Variants in HUWE1 observed in about 807,000 individuals in gnomAD.
HUWE1 encodes E3 ubiquitin-protein ligase HUWE1.
In HUWE1, 18 loss-of-function variants were observed where a neutral mutation model predicts 299.4. The observed-to-expected ratio is 0.06, with a 90% CI of 0.04 to 0.09. The LOEUF is 0.09. Among genes scored for constraint, HUWE1 ranks in the 10% least tolerant of loss-of-function variants. The pLI, the probability that HUWE1 is intolerant of heterozygous loss-of-function variation, is 1.00. For missense variants in HUWE1, 1,832 were observed against 3,462.3 expected (o/e 0.53, Z 11.82); for synonymous variants, 1,317 against 1,286.1 (o/e 1.02, Z -0.51).
Position 53,535,451 on chromosome X carries a change from G to C in HUWE1, c.12582C>G (p.Ala4194=), listed in dbSNP as rs138323283. ...TATTCTCCTCTGTTACCAAGATGTT[G>C]GCCCCATTGGGTTTGAGGTCACGAA... ...CEVRDLKPNG[A]NILVTEENKK... The change falls in exon 81 of 84, where the codon GCC becomes GCG. Residue 4194 remains alanine, a synonymous_variant. Coordinates refer to ENST00000262854, the MANE Select transcript of HUWE1 (RefSeq NM_031407.7). 1.3e-4 allele frequency: 154 copies of C among 1,207,343 alleles called. 1 individual carries two copies. In the African/African-American group the frequency reaches 2.3e-3, roughly 18 times the overall value.
intron 68 of HUWE1, 22 bp downstream of exon 68, chrX:53,547,651 C>T (rs782246090): frequency 8.3e-7 from 1 of 1,209,024 alleles, no homozygotes; most frequent in South Asian, 1.8e-5. Context: ...CCCCACAGCT[C>T]CCAGTCTACA....
At chrX:53,554,438 T>C (rs1279870363) in intron 61 of HUWE1, among the ~76,000 whole-genome samples, 195 bp downstream of exon 61, 2 of 111,194 alleles carry the variant, frequency 1.8e-5, no homozygotes, top group African/African-American at 6.5e-5. Context: ...TCATCACCAA[T>C]ATCATTAGAC....
chrX:53,637,900 A>G (rs1172523033), intron 7 of HUWE1, among the ~76,000 whole-genome samples: 3 of 111,846 alleles, frequency 2.7e-5, no homozygotes, highest in Non-Finnish European at 5.6e-5. Context: ...AACAAAATCA[A>G]CATATTAAAT....
chrX:53,681,943 T>C (rs2070179907), intron 2 of HUWE1, among the ~76,000 whole-genome samples: 1 of 111,231 alleles, frequency 9.0e-6, no homozygotes, highest in Non-Finnish European at 1.9e-5. Flanking sequence ...TCCTAGACCA[T>C]TAGAAGGAAA....
At chrX:53,578,295 C>T (rs2063300333) in intron 43 of HUWE1, among the ~76,000 whole-genome samples, 1 of 109,155 alleles carries the variant, frequency 9.2e-6, no homozygotes, top group African/African-American at 3.3e-5. Flanking sequence ...CCGGCAGCCA[C>T]CCCGTCTGGG....
At chrX:53,674,559 G>A (rs955828182) in intron 3 of HUWE1, among the ~76,000 whole-genome samples, 1 of 112,178 alleles carries the variant, frequency 8.9e-6, no homozygotes, top group African/African-American at 3.2e-5. Flanking sequence ...TTCATTTGGG[G>A]TACGTTTAAC....
intron 3 of HUWE1, among the ~76,000 whole-genome samples, chrX:53,657,749 T>C (rs996876082): frequency 9.9e-5 from 11 of 110,625 alleles, no homozygotes; most frequent in African/African-American, 2.6e-4. Context: ...ATAAGGTTAA[T>C]ATACAAAAGT....
chrX:53,671,726 G>A (rs995271137), intron 3 of HUWE1, among the ~76,000 whole-genome samples: 15 of 105,547 alleles, frequency 1.4e-4, no homozygotes, highest in Middle Eastern at 9.8e-3. Flanking sequence ...CCCGGGGGGC[G>A]GAGCCTGCAG....
At chrX:53,540,734 C>T (rs1208526318) in intron 74 of HUWE1, among the ~76,000 whole-genome samples, 1 of 111,843 alleles carries the variant, frequency 8.9e-6, no homozygotes, top group Non-Finnish European at 1.9e-5. Flanking sequence ...CTGATACTCA[C>T]TGGGGGCTTA....
At position 53,546,529 on chromosome X, in the gene HUWE1, G is replaced by T. The variant is rs782349344; in HGVS notation, c.10822C>A (p.Leu3608Ile). 1.7e-6 allele frequency: 2 copies of T among 1,207,279 alleles called. No individual in the cohort carries two copies. The highest frequency in any genetic ancestry group is 2.2e-6 in the Non-Finnish European group (2 of 893,275). Residue 3608 changes from leucine to isoleucine, a missense_variant, in exon 70 of 84, where the codon CTC becomes ATC. Coordinates refer to ENST00000262854, the MANE Select transcript of HUWE1 (RefSeq NM_031407.7). ...LEDAANVLLQ[L>I]SRGDSGTRDT... ...CGGGTCCCAGAGTCCCCCCGGGAGAGCTGCAGTAGTACGTTGGCTGCATCC... is the reference window on the plus strand; with the variant it reads ...CGGGTCCCAGAGTCCCCCCGGGAGATCTGCAGTAGTACGTTGGCTGCATCC...
intron 32 of HUWE1, 107 bp downstream of exon 32, chrX:53,593,257 T>G: frequency 5.1e-6 from 3 of 590,286 alleles, no homozygotes; most frequent in Non-Finnish European, 8.7e-6. Context: ...GGGAGTTGGA[T>G]CCAGTGGTTC....
In HUWE1 at chrX:53,546,581, G is replaced by T. The variant is rs781819846; in HGVS notation, c.10770C>A (p.Ser3590=). 5 of 1,209,696 alleles carry T rather than the reference G, an allele frequency of 4.1e-6. No individual in the cohort carries two copies. In the Admixed American group the frequency reaches 8.7e-5, roughly 21 times the overall value. Residue 3590 remains serine (S), a synonymous_variant, in exon 70 of 84, where the codon TCC becomes TCA. Transcript: ENST00000262854. ...CTAAGCCTTCCTCAGAACAAGAGTG[G>T]GATGTCAACACCTGAGAAAAAGAAG... ...QLQLSVEVLT[S]HSCSEEGLED...
Position 53,549,215 on chromosome X carries a change from C to A in HUWE1, c.9779G>T (p.Gly3260Val), listed in dbSNP as rs374079237. 1 of 1,210,500 alleles carries A rather than the reference C, an allele frequency of 8.3e-7. No individual in the cohort carries two copies. Among genetic ancestry groups the A allele is most frequent in the Admixed American group, 2.2e-5 (1 of 45,840 alleles). ...GGGACGGTTCTCATGGCTACTTGAC[C>A]CACAGCTCTTGCTCGACTTTTTGCC... ...EKGKKSSKSCGSSSHENRPLD... is the reference protein window; with the variant it reads ...EKGKKSSKSCVSSSHENRPLD... The change falls in exon 67 of 84, where the codon GGG becomes GTG. Residue 3260 changes from glycine to valine, a missense_variant. Gly to Val is a moderately radical substitution (Grantham distance 109). This residue lies in a region of HUWE1 where 80 missense variants were observed against 142.1 expected (regional missense o/e 0.56). Transcript: ENST00000262854.
intron 66 of HUWE1, 121 bp from the exon 67 acceptor site, chrX:53,549,626 CCAGTCCAAG>C (rs2061681675): frequency 1.7e-6 from 1 of 584,236 alleles, no homozygotes; most frequent in Non-Finnish European, 2.8e-6. Flanking sequence ...AGGTGGGTGT[CCAGTCCAAG>C]GGCTCTTCAT....
Position 53,566,129 on chromosome X carries a change from G to GTATATATA in HUWE1, c.6708-891_6708-890insTATATATA, listed in dbSNP as rs1212406219. On this transcript the variant is annotated intron_variant, in intron 49 of 83. Coordinates refer to ENST00000262854, the MANE Select transcript of HUWE1 (RefSeq NM_031407.7). ...TATGTATGTATGTATGTGTGTGTGTGTGTGTATATATATATATATATATAT... is the reference window on the plus strand; with the variant it reads ...TATGTATGTATGTATGTGTGTGTGTGTATATATATGTGTATATATATATATATATATAT... Among the ~76,000 whole-genome samples the GTATATATA allele has an allele frequency of 1.3e-4, 5 of 38,699 alleles. No homozygotes were observed. The Admixed American group carries it at 1.5e-3, about 12-fold the overall frequency. The allele number at this position is 38,699 out of a possible 115,157, so 33.6% of individuals were successfully genotyped here.
intron 25 of HUWE1, among the ~76,000 whole-genome samples, chrX:53,605,398 AATCT>A (rs1332700703): frequency 2.7e-5 from 3 of 112,208 alleles, no homozygotes; most frequent in Non-Finnish European, 5.6e-5. Flanking sequence ...GCTTTAAATA[AATCT>A]ATCTATCCTT....
chrX:53,570,176 A>G (rs1238884087), intron 47 of HUWE1, among the ~76,000 whole-genome samples: 3 of 111,060 alleles, frequency 2.7e-5, no homozygotes, highest in African/African-American at 1.0e-4. Flanking sequence ...TACAGTGGCT[A>G]TTCACAGGCA....
intron 7 of HUWE1, among the ~76,000 whole-genome samples, chrX:53,643,988 G>A (rs993331060): frequency 3.6e-5 from 4 of 109,636 alleles, no homozygotes; most frequent in Non-Finnish European, 7.6e-5. Context: ...CACACCTGGC[G>A]GATTTTTGTA....
At chrX:53,575,249 T>C (rs782064892) in intron 45 of HUWE1, 28 bp from the exon 46 acceptor site, 41 of 1,129,760 alleles carry the variant, frequency 3.6e-5, no homozygotes, top group Non-Finnish European at 2.4e-6. Flanking sequence ...TCCTGAGCTA[T>C]TATGAATTTC....
Sources: gnomAD v4.1 joint callset for allele counts (sites outside exome capture counted in the v4.1 genomes callset) on GRCh38, gnomAD v4.1.1 for gene constraint, gnomAD v4.1.1 regional missense constraint, MANE v1.5 for transcripts, NCBI Gene and HGNC (gene_info 2026-07-23, HGNC 2026-07-21) for gene names.